PALM2AKAP2: variants seen among roughly 807,000 people sequenced by gnomAD.
The protein encoded by PALM2AKAP2 is PALM2 and AKAP2 fusion, also known as PALM2-AKAP2 fusion protein.
In PALM2AKAP2, 37 loss-of-function variants were observed where a neutral mutation model predicts 71.5. The observed-to-expected ratio is 0.52, with a 90% CI of 0.40 to 0.68. The LOEUF (loss-of-function observed/expected upper bound fraction) is 0.68. Ranked by LOEUF, PALM2AKAP2 falls within the 30% of genes least tolerant of loss-of-function variation. The pLI is 0.00. For missense variants in PALM2AKAP2, 1,224 were observed against 1,191.8 expected, an observed-to-expected ratio of 1.03 and a Z score of -0.40; for synonymous variants, 468 against 478.8, an observed-to-expected ratio of 0.98 and a Z score of 0.29.
intron 6 of PALM2AKAP2, among the ~76,000 whole-genome samples, chr9:109,940,607 T>C (rs1179199342): frequency 6.6e-6 from 1 of 151,930 alleles, no homozygotes; most frequent in Non-Finnish European, 1.5e-5. Context: ...CAGAAAGAGG[T>C]AGGGACTCAA....
intron 6 of PALM2AKAP2, among the ~76,000 whole-genome samples, chr9:109,973,107 A>C (rs563867048): frequency 1.6e-4 from 25 of 152,340 alleles, no homozygotes; most frequent in African/African-American, 6.0e-4. Flanking sequence ...ACTTTCATTC[A>C]GTTAAAAAAA....
chr9:109,705,388 T>C (rs1828126715), intron 1 of PALM2AKAP2, among the ~76,000 whole-genome samples: 1 of 152,174 alleles, frequency 6.6e-6, no homozygotes, highest in Non-Finnish European at 1.5e-5. Context: ...AACTTTATAC[T>C]TTGAAACAAG....
At chr9:109,769,784 T>G (rs1180245215) in intron 1 of PALM2AKAP2, among the ~76,000 whole-genome samples, 1 of 152,114 alleles carries the variant, frequency 6.6e-6, no homozygotes, top group Non-Finnish European at 1.5e-5. Context: ...CAACTTGGGG[T>G]CCTGAAATCT....
chr9:109,947,338 A>G (rs1227353244), intron 6 of PALM2AKAP2, among the ~76,000 whole-genome samples: 3 of 152,254 alleles, frequency 2.0e-5, no homozygotes, highest in African/African-American at 7.2e-5. Context: ...GAGGGGAAGT[A>G]TAAGAGAGAG....
At chr9:109,924,322 A>G (rs1346570845) in intron 4 of PALM2AKAP2, among the ~76,000 whole-genome samples, 2 of 152,214 alleles carry the variant, frequency 1.3e-5, no homozygotes, top group African/African-American at 2.4e-5. Flanking sequence ...TTTACTGTAT[A>G]TAGAAACAGA....
rs73524689 is a variant in PALM2AKAP2, at chr9:109,989,927, C to G, written c.497-26027C>G. Among the ~76,000 whole-genome samples the G allele has an allele frequency of 6.1e-3, 936 of 152,308 alleles. 7 individuals carry two copies. The highest frequency in any genetic ancestry group is 0.021 in the African/African-American group (858 of 41,556). ...TCCACGTCAGTTAAGGATTGTTTCT[C>G]TAAACACACACCAAAAGGGGAAAAC... On this transcript the variant is annotated intron_variant, in intron 6 of 9. Transcript: ENST00000302798.
intron 1 of PALM2AKAP2, among the ~76,000 whole-genome samples, chr9:109,680,938 A>C (rs1827722657): frequency 6.6e-6 from 1 of 152,238 alleles, no homozygotes; most frequent in Non-Finnish European, 1.5e-5. Context: ...CCTGGATTCC[A>C]TCCCAGGTAA....
intron 6 of PALM2AKAP2, among the ~76,000 whole-genome samples, chr9:109,990,063 CT>C (rs1832447797): frequency 7.4e-6 from 1 of 135,018 alleles, no homozygotes; most frequent in Admixed American, 7.6e-5. Context: ...TTTTTTCTTT[CT>C]TTCTTTTTTT....
At position 109,719,337 on chromosome 9, in the gene PALM2AKAP2, A is replaced by G. The variant is rs547288437; in HGVS notation, c.6-61151A>G. Among the ~76,000 whole-genome samples, 165 of 152,298 alleles carry G rather than the reference A, an allele frequency of 1.1e-3. 1 individual carries two copies. The highest frequency in any genetic ancestry group is 3.7e-3 in the African/African-American group (154 of 41,566). On this transcript the variant is annotated intron_variant, in intron 1 of 6. Coordinates refer to the PALM2AKAP2 transcript ENST00000374531. ...AGCACTGGGCTGAGAGTCTACTTCC[A>G]GTTTCTCAGGCTAATTCTGCTACAA... is the stretch of plus-strand genomic sequence containing the variant.
At chr9:109,984,064 A>C (rs1006749218) in intron 6 of PALM2AKAP2, among the ~76,000 whole-genome samples, 4 of 152,186 alleles carry the variant, frequency 2.6e-5, no homozygotes, top group Admixed American at 2.6e-4. Flanking sequence ...AACTTACCTA[A>C]TGTGTATACG....
intron 1 of PALM2AKAP2, among the ~76,000 whole-genome samples, chr9:110,080,513 A>G (rs1834426257): frequency 6.6e-6 from 1 of 152,078 alleles, no homozygotes; most frequent in South Asian, 2.1e-4. Flanking sequence ...GGGAAACACG[A>G]TGTAAAATGT....
chr9:109,832,254 C>A (rs937053798), intron 1 of PALM2AKAP2, among the ~76,000 whole-genome samples: 13 of 152,230 alleles, frequency 8.5e-5, no homozygotes, highest in African/African-American at 2.9e-4. Flanking sequence ...TCGTTGCCTA[C>A]GTTCAAGTCC....
intron 6 of PALM2AKAP2, among the ~76,000 whole-genome samples, chr9:109,936,697 G>A (rs1317623301): frequency 6.6e-6 from 1 of 152,206 alleles, no homozygotes; most frequent in African/African-American, 2.4e-5. Context: ...CACGCAGGGT[G>A]TTCACAGCAC....
At chr9:110,035,745 T>C (rs930081449) in intron 7 of PALM2AKAP2, among the ~76,000 whole-genome samples, 2 of 134,222 alleles carry the variant, frequency 1.5e-5, no homozygotes, top group African/African-American at 5.4e-5. Context: ...GTGTTATATA[T>C]AACATATATA....
chr9:109,649,449 A>G (rs1260408451), intron 1 of PALM2AKAP2, among the ~76,000 whole-genome samples: 1 of 152,120 alleles, frequency 6.6e-6, no homozygotes, highest in East Asian at 1.9e-4. Flanking sequence ...AAATGGTTTT[A>G]TGGTTATCTT....
At chr9:109,746,391 A>G (rs933558085) in intron 1 of PALM2AKAP2, among the ~76,000 whole-genome samples, 2 of 152,246 alleles carry the variant, frequency 1.3e-5, no homozygotes, top group Admixed American at 1.3e-4. Flanking sequence ...CTGGTAAGTT[A>G]GTTAACAAGC....
At chr9:109,979,578 C>T (rs1832233028) in intron 6 of PALM2AKAP2, among the ~76,000 whole-genome samples, 2 of 152,228 alleles carry the variant, frequency 1.3e-5, no homozygotes, top group Admixed American at 1.3e-4. Flanking sequence ...TGCCTGGGAG[C>T]TTCTATTTGG....
intron 6 of PALM2AKAP2, among the ~76,000 whole-genome samples, chr9:109,982,382 T>C (rs986948727): frequency 6.6e-6 from 1 of 152,096 alleles, no homozygotes; most frequent in African/African-American, 2.4e-5. Flanking sequence ...ATGAATAAGA[T>C]CTAATATTTG....
chr9:110,094,730 T>C (rs984824602), intron 1 of PALM2AKAP2, among the ~76,000 whole-genome samples: 7 of 152,088 alleles, frequency 4.6e-5, no homozygotes, highest in Admixed American at 6.6e-5. Context: ...ACCTCCAACA[T>C]TGGGGATTAC....
Sources: gnomAD v4.1 joint callset for allele counts (sites outside exome capture counted in the v4.1 genomes callset) on GRCh38, gnomAD v4.1.1 for gene constraint, MANE v1.5 for transcripts, NCBI Gene and HGNC (gene_info 2026-07-23, HGNC 2026-07-21) for gene names.